The following CFAP299 variants were observed in gnomAD, a reference collection of about 807,000 sequenced individuals.
The protein encoded by CFAP299 is cilia and flagella associated protein 299.
A neutral mutation model predicts 27.0 loss-of-function variants in CFAP299; 21 were observed. The ratio of observed to expected loss-of-function variants is 0.78; its 90% CI spans 0.55 to 1.12. CFAP299 has a LOEUF of 1.12. CFAP299 is among the 50% of genes most tolerant of loss of function. The probability of loss-of-function intolerance (pLI) is 0.00; values close to 1 mark genes in which losing one functional copy is unlikely to be tolerated. For missense variants in CFAP299, 310 were observed against 276.6 expected (o/e 1.12, Z -0.86); for synonymous variants, 104 against 98.1 (o/e 1.06, Z -0.36).
At chr4:80,790,193 T>A (rs1727474930) in intron 3 of CFAP299, among the ~76,000 whole-genome samples, 1 of 152,178 alleles carries the variant, frequency 6.6e-6, no homozygotes, top group African/African-American at 2.4e-5. Flanking sequence ...CTACTTTAAA[T>A]GCATAATTTC....
chr4:80,396,958 C>G (rs1188062721), intron 2 of CFAP299, among the ~76,000 whole-genome samples: 1 of 152,150 alleles, frequency 6.6e-6, no homozygotes, highest in Non-Finnish European at 1.5e-5. Context: ...AGGAATGATA[C>G]CAGCTCCTCC....
intron 3 of CFAP299, among the ~76,000 whole-genome samples, chr4:80,702,357 G>A (rs1362326923): frequency 2.6e-5 from 4 of 151,658 alleles, no homozygotes; most frequent in African/African-American, 9.7e-5. Flanking sequence ...GAAACCTATG[G>A]CACAGAAAAT....
intron 3 of CFAP299, among the ~76,000 whole-genome samples, chr4:80,602,580 A>G (rs1414350191): frequency 3.3e-5 from 5 of 152,202 alleles, no homozygotes; most frequent in Non-Finnish European, 7.3e-5. Flanking sequence ...GAAATTAAAT[A>G]TAGAAATTAA....
chr4:80,639,683 AT>A (rs1560671695), intron 3 of CFAP299: 1 of 153,084 alleles, frequency 6.5e-6, no homozygotes, highest in Non-Finnish European at 1.5e-5. Context: ...TTATTTATTT[AT>A]TTTTTGAGAT....
chr4:80,499,311 A>G (rs1256794428), intron 2 of CFAP299, among the ~76,000 whole-genome samples: 1 of 152,186 alleles, frequency 6.6e-6, no homozygotes, highest in Non-Finnish European at 1.5e-5. Flanking sequence ...TTTCTCGAAC[A>G]TAATTCTTAA....
At chr4:80,496,430 T>A (rs1731443195) in intron 2 of CFAP299, among the ~76,000 whole-genome samples, 1 of 152,218 alleles carries the variant, frequency 6.6e-6, no homozygotes, top group Non-Finnish European at 1.5e-5. Flanking sequence ...GCATAACACA[T>A]GTGACCTTTG....
the CFAP299 span, among the ~76,000 whole-genome samples, chr4:80,324,345 C>T: frequency 6.6e-6 from 1 of 152,138 alleles, no homozygotes; most frequent in Non-Finnish European, 1.5e-5. Context: ...ATTATCAAAG[C>T]CTCTAAAAGC....
chr4:80,955,016 A>G (rs940058729), intron 5 of CFAP299, among the ~76,000 whole-genome samples: 1 of 139,756 alleles, frequency 7.2e-6, no homozygotes, highest in African/African-American at 2.7e-5. Flanking sequence ...AAAAAAAAAA[A>G]AAAAAAAAAA....
chr4:80,413,750 C>CT lies in CFAP299; in HGVS notation c.242+50883dup, dbSNP rs66780627. Among the ~76,000 whole-genome samples, 736 of 108,316 alleles carry CT rather than the reference C, an allele frequency of 6.8e-3. 26 individuals carry two copies. The highest frequency in any genetic ancestry group is 0.023 in the African/African-American group (666 of 28,908). The allele number at this position is 108,316 out of a possible 152,430, so 71.1% of individuals were successfully genotyped here. The stretch of plus-strand genomic sequence containing the variant: ...CATTTGTCTGTATGTTTGTGTCATT[C>CT]TTTTTTTTTTTTTTTTTGCTTTTAA... On this transcript the variant is annotated intron_variant, in intron 2 of 5. Coordinates refer to ENST00000358105, the MANE Select transcript of CFAP299 (RefSeq NM_152770.3).
intron 2 of CFAP299, among the ~76,000 whole-genome samples, chr4:80,541,486 C>T (rs944394045): frequency 3.3e-5 from 5 of 152,100 alleles, no homozygotes; most frequent in African/African-American, 1.2e-4. Flanking sequence ...TTATTTGGTA[C>T]TCAGTGTATA....
At chr4:80,822,254 GA>G (rs1283582286) in intron 3 of CFAP299, among the ~76,000 whole-genome samples, 2 of 152,136 alleles carry the variant, frequency 1.3e-5, no homozygotes, top group Admixed American at 6.6e-5. Context: ...CAAGTAGCCT[GA>G]AAAGCCTTCA....
At chr4:80,471,534 C>T (rs1010024125) in intron 2 of CFAP299, among the ~76,000 whole-genome samples, 12 of 138,196 alleles carry the variant, frequency 8.7e-5, no homozygotes, top group Non-Finnish European at 1.5e-4. Flanking sequence ...GTAATAACTT[C>T]AGACTACTTT....
At chr4:80,798,628 T>C (rs542676152) in intron 3 of CFAP299, among the ~76,000 whole-genome samples, 3 of 152,182 alleles carry the variant, frequency 2.0e-5, no homozygotes, top group African/African-American at 7.2e-5. Flanking sequence ...GGAGATAAGA[T>C]TCCAACTCAG....
intron 4 of CFAP299, among the ~76,000 whole-genome samples, chr4:80,899,559 T>G (rs1417403157): frequency 6.6e-6 from 1 of 152,136 alleles, no homozygotes; most frequent in East Asian, 1.9e-4. Context: ...ACCTGTTGAC[T>G]AAAATGAGCA....
chr4:80,876,050 A>T (rs565266432), intron 4 of CFAP299, among the ~76,000 whole-genome samples: 2 of 151,874 alleles, frequency 1.3e-5, no homozygotes, highest in East Asian at 3.9e-4. Context: ...AACAATGATG[A>T]TGTTAACTGA....
intron 3 of CFAP299, among the ~76,000 whole-genome samples, chr4:80,854,606 A>G (rs1731717756): frequency 6.6e-6 from 1 of 151,198 alleles, no homozygotes; most frequent in African/African-American, 2.4e-5. Flanking sequence ...AGCACATCTG[A>G]TGGGCGGAAG....
At chr4:80,894,232 T>TA (rs1192296119) in intron 4 of CFAP299, among the ~76,000 whole-genome samples, 4 of 150,914 alleles carry the variant, frequency 2.7e-5, no homozygotes, top group South Asian at 2.1e-4. Flanking sequence ...TACAGGGATG[T>TA]AAAAAAAAAG....
At chr4:80,883,418 C>T (rs1038160964) in intron 4 of CFAP299, among the ~76,000 whole-genome samples, 2 of 151,898 alleles carry the variant, frequency 1.3e-5, no homozygotes, top group Admixed American at 1.3e-4. Context: ...AACAAAATGA[C>T]AATTAAAAGT....
At chr4:80,935,905 G>A (rs1434661394) in intron 4 of CFAP299, among the ~76,000 whole-genome samples, 3 of 152,052 alleles carry the variant, frequency 2.0e-5, no homozygotes, top group Non-Finnish European at 2.9e-5. Context: ...TAAAGTACAT[G>A]AACAGAGACA....
Sources: gnomAD v4.1 joint callset for allele counts (sites outside exome capture counted in the v4.1 genomes callset) on GRCh38, gnomAD v4.1.1 for gene constraint, MANE v1.5 for transcripts, NCBI Gene and HGNC (gene_info 2026-07-23, HGNC 2026-07-21) for gene names.